CDH6: variants seen among roughly 807,000 people sequenced by gnomAD.
CDH6 encodes the protein cadherin 6.
CDH6 carries 31 observed loss-of-function variants against 78.0 expected under a neutral mutation model. The observed-to-expected ratio is 0.40, with a 90% CI of 0.30 to 0.54. CDH6 has a LOEUF of 0.54. CDH6 is among the 20% of genes least tolerant of loss of function. CDH6 has a pLI of 0.56. For missense variants in CDH6, 724 were observed against 975.9 expected, an observed-to-expected ratio of 0.74 and a Z score of 3.44; for synonymous variants, 376 against 368.8, an observed-to-expected ratio of 1.02 and a Z score of -0.23.
At position 31,244,058 on chromosome 5, in the gene CDH6, G is replaced by T. The variant is rs187855268; in HGVS notation, c.-128-23288G>T. ...AGCGCTGGATTACCTGCCCAAAGAT[G>T]TTAAATGTGCTGCAGTGACTTAATT... On this transcript the variant is annotated intron_variant, in intron 1 of 11. Transcript: ENST00000265071. 2.6e-5 allele frequency among the ~76,000 whole-genome samples: 4 copies of T among 152,312 alleles called. No individual in the cohort carries two copies. In the East Asian group the frequency reaches 7.7e-4, roughly 29 times the overall value.
chr5:31,251,014 G>A (rs1741894360), intron 1 of CDH6: 1 of 152,280 alleles, frequency 6.6e-6, no homozygotes, highest in African/African-American at 2.4e-5. Context: ...CCTCACCAGG[G>A]TGTCAGCTTT....
chr5:31,326,522 C>T lies in CDH6; in HGVS notation c.*3214C>T, dbSNP rs1042505374. ...AATAGATGTTTCTTTCAGAACTTTCCTGCCTTTACAGTTTGTGTCCATAAA... is the reference window on the plus strand; with the variant it reads ...AATAGATGTTTCTTTCAGAACTTTCTTGCCTTTACAGTTTGTGTCCATAAA... On this transcript the variant is annotated 3_prime_UTR_variant, in exon 12 of 12. Transcript: ENST00000265071. 22 of 192,712 alleles carry T rather than the reference C, an allele frequency of 1.1e-4. No homozygotes were observed. The highest frequency in any genetic ancestry group is 4.9e-4 in the African/African-American group (21 of 43,054). 11.9% of individuals were successfully genotyped at this position (192,712 alleles called of 1,614,324 possible).
chr5:31,319,555 T>G (rs1738422294), intron 11 of CDH6, among the ~76,000 whole-genome samples: 1 of 152,218 alleles, frequency 6.6e-6, no homozygotes, highest in Non-Finnish European at 1.5e-5. Flanking sequence ...TAACACGTGG[T>G]AAAACTAAAG....
chr5:31,233,161 CAT>C (rs1741358919), intron 1 of CDH6, among the ~76,000 whole-genome samples: 1 of 151,888 alleles, frequency 6.6e-6, no homozygotes, highest in Admixed American at 6.6e-5. Flanking sequence ...CATCCACACA[CAT>C]ATACACACAA....
chr5:31,230,797 T>C (rs1222993007), intron 1 of CDH6, among the ~76,000 whole-genome samples: 1 of 152,122 alleles, frequency 6.6e-6, no homozygotes, highest in African/African-American at 2.4e-5. Flanking sequence ...CAAAAGAAGC[T>C]AAACAATACA....
chr5:31,314,343 T>A (rs1234089082), intron 8 of CDH6, among the ~76,000 whole-genome samples: 2 of 133,936 alleles, frequency 1.5e-5, no homozygotes, highest in Non-Finnish European at 3.1e-5. Context: ...AGAATTTCAA[T>A]GTTTAAAACT....
intron 1 of CDH6, among the ~76,000 whole-genome samples, chr5:31,196,999 G>GA (rs931962788): frequency 1.3e-5 from 2 of 151,576 alleles, no homozygotes; most frequent in East Asian, 1.9e-4. Context: ...ATATTTGCAG[G>GA]AAAAAAAAGT....
At chr5:31,285,772 A>G (rs373424183) in intron 2 of CDH6, among the ~76,000 whole-genome samples, 2 of 152,356 alleles carry the variant, frequency 1.3e-5, no homozygotes, top group South Asian at 2.1e-4. Flanking sequence ...ATGATGGTCA[A>G]TGAATTCAAT....
At chr5:31,263,795 C>G (rs34510977) in intron 1 of CDH6, among the ~76,000 whole-genome samples, 67,932 of 151,980 alleles carry the variant, frequency 0.45, 15,571 homozygotes, top group East Asian at 0.58. Context: ...TAGCAGATAT[C>G]ATTCATTTTA....
At chr5:31,273,533 C>G (rs1373750088) in intron 2 of CDH6, among the ~76,000 whole-genome samples, 3 of 152,138 alleles carry the variant, frequency 2.0e-5, no homozygotes, top group Non-Finnish European at 4.4e-5. Context: ...CATTGTCTCA[C>G]ACTGCTAAGA....
At chr5:31,298,314 C>T (rs1737667591) in intron 4 of CDH6, among the ~76,000 whole-genome samples, 1 of 152,160 alleles carries the variant, frequency 6.6e-6, no homozygotes, top group Non-Finnish European at 1.5e-5. Context: ...TAGGTTCCCA[C>T]ATCCAGTTGG....
At chr5:31,318,319 T>A in intron 11 of CDH6, 1 of 375,270 alleles carries the variant, frequency 2.7e-6, no homozygotes, top group Non-Finnish European at 4.8e-6. Context: ...AAAGGTAAAG[T>A]TTAAAGATCT....
At chr5:31,223,380 C>T (rs1410760860) in intron 1 of CDH6, among the ~76,000 whole-genome samples, 2 of 152,112 alleles carry the variant, frequency 1.3e-5, no homozygotes, top group East Asian at 3.9e-4. Context: ...AATTACTTTG[C>T]TGCTAATAAA....
chr5:31,199,429 CATATGTGTATATATACACACACAT>C (rs1449076389), intron 1 of CDH6, among the ~76,000 whole-genome samples: 12 of 45,392 alleles, frequency 2.6e-4, no homozygotes, highest in African/African-American at 9.6e-4. Context: ...TATGTACACA[CATATGTGTATATATACACACACAT>C]ATGTGTATAT....
chr5:31,284,282 A>G (rs1460529074), intron 2 of CDH6, among the ~76,000 whole-genome samples: 1 of 152,202 alleles, frequency 6.6e-6, no homozygotes, highest in African/African-American at 2.4e-5. Flanking sequence ...TGGGGTTTGT[A>G]CTAGGAATTG....
At chr5:31,197,722 A>T (rs1203064953) in intron 1 of CDH6, among the ~76,000 whole-genome samples, 1 of 152,210 alleles carries the variant, frequency 6.6e-6, no homozygotes, top group Non-Finnish European at 1.5e-5. Flanking sequence ...ACAGAAATGC[A>T]GCATATGGGC....
chr5:31,194,456 C>G (rs1740104697), intron 1 of CDH6, among the ~76,000 whole-genome samples: 1 of 152,174 alleles, frequency 6.6e-6, no homozygotes, highest in African/African-American at 2.4e-5. Context: ...GTAAGGAAAA[C>G]TTAAACTAAA....
At chr5:31,297,200 A>G in intron 3 of CDH6, 89 bp from the exon 4 acceptor site, 2 of 1,143,378 alleles carry the variant, frequency 1.7e-6, no homozygotes, top group Non-Finnish European at 2.6e-6. Flanking sequence ...ATATTTCCAT[A>G]CAAAATTAAG....
At chr5:31,231,510 C>G (rs1409265826) in intron 1 of CDH6, among the ~76,000 whole-genome samples, 2 of 152,160 alleles carry the variant, frequency 1.3e-5, no homozygotes, top group Admixed American at 1.3e-4. Context: ...TTTATTTCTA[C>G]AATTTGGAGA....
Sources: allele counts gnomAD v4.1 joint callset (sites outside exome capture counted in the v4.1 genomes callset), GRCh38; gene constraint gnomAD v4.1.1; transcripts MANE v1.5; gene names NCBI Gene and HGNC (gene_info 2026-07-23, HGNC 2026-07-21).